The following PEX16 variants were observed in gnomAD, a reference collection of about 807,000 sequenced individuals.
PEX16 encodes the protein peroxin 16.
PEX16 carries 37 observed loss-of-function variants against 50.5 expected under a neutral mutation model. That is an observed-to-expected ratio of 0.73 (90% confidence interval 0.56 to 0.96). The LOEUF (loss-of-function observed/expected upper bound fraction) is 0.96, where lower values mean the gene tolerates loss of function less well. Among genes scored for constraint, PEX16 ranks in the 40% least tolerant of loss-of-function variants. PEX16 has a pLI of 0.00. For missense variants in PEX16, 401 were observed against 438.3 expected, an observed-to-expected ratio of 0.91 and a Z score of 0.76; for synonymous variants, 185 against 190.3, an observed-to-expected ratio of 0.97 and a Z score of 0.23.
At chr11:45,910,393 G>A (rs574997313) in intron 10 of PEX16, 81 bp from the exon 11 acceptor site, 31 of 1,193,732 alleles carry the variant, frequency 2.6e-5, no homozygotes, top group African/African-American at 4.5e-5. Flanking sequence ...TCACCCCTGC[G>A]GCCCAGGAGC....
At position 45,917,857 on chromosome 11, in the gene PEX16, C is replaced by T. The variant is rs1336660504; in HGVS notation, c.-46G>A. 7 of 1,327,740 alleles carry T rather than the reference C, an allele frequency of 5.3e-6. No individual in the cohort carries two copies. Among genetic ancestry groups the T allele is most frequent in the Non-Finnish European group, 7.3e-6 (7 of 957,638 alleles). The allele number at this position is 1,327,740 out of a possible 1,614,324, so 82.2% of individuals were successfully genotyped here. Reference sequence around the variant, plus strand: ...ACCCACAGAAGGACCGTACGACAGGCTGCGGCGCCCTGCTTCCTGCGCCCT... The same window carrying T: ...ACCCACAGAAGGACCGTACGACAGGTTGCGGCGCCCTGCTTCCTGCGCCCT... On this transcript the variant is annotated 5_prime_UTR_variant, in exon 1 of 11. Coordinates refer to ENST00000378750, the MANE Select transcript of PEX16 (RefSeq NM_004813.4).
rs909291081 is a variant in PEX16, at chr11:45,914,480, G to C, written c.542-12C>G. ...GTGCAGGGACGGCGCTAGAACACAA[G>C]GGCGGCAGATGAGCGAGCCAGGCCC... On this transcript the variant is annotated splice_polypyrimidine_tract_variant and intron_variant, in intron 6 of 10. Transcript: ENST00000378750. The C allele has an allele frequency of 3.1e-6, 5 of 1,608,272 alleles. No individual in the cohort carries two copies. Among genetic ancestry groups the C allele is most frequent in the Non-Finnish European group, 3.4e-6 (4 of 1,179,804 alleles).
chr11:45,914,232 C>T (rs2086808212), intron 7 of PEX16, 29 bp from the exon 8 acceptor site: 1 of 1,613,504 alleles, frequency 6.2e-7, no homozygotes, highest in African/African-American at 1.3e-5. Context: ...AGGATGTCTC[C>T]AGCACAGGGG....
intron 9 of PEX16, among the ~76,000 whole-genome samples, chr11:45,911,495 C>G (rs2086778025): frequency 6.6e-6 from 1 of 152,258 alleles, no homozygotes; most frequent in Non-Finnish European, 1.5e-5. Context: ...GGGTTTTCCA[C>G]AGGGGAACTC....
rs762568886 is a variant in PEX16, at chr11:45,913,880, G to A, written c.826C>T (p.Arg276Cys). 1.9e-6 allele frequency: 3 copies of A among 1,612,156 alleles called. No homozygotes were observed. The highest frequency in any genetic ancestry group is 1.1e-5 in the South Asian group (1 of 91,038). Residue 276 changes from arginine (R) to cysteine (C), a missense_variant, in exon 9 of 11, where the codon CGC becomes TGC. Transcript: ENST00000378750. ...TAGTAGAGCAGCAGGATGGTCCGGC[G>A]CCGCAGCTCCCGCCGCTCCCTCCGG... ...LTRRERRELR[R>C]RTILLLYYLL... is the part of the protein sequence containing the mutation.
chr11:45,914,940 C>G (rs1256468398), intron 5 of PEX16, among the ~76,000 whole-genome samples: 2 of 152,216 alleles, frequency 1.3e-5, no homozygotes, highest in Non-Finnish European at 2.9e-5. Context: ...CCTCCCGGAA[C>G]CCATGGACAG....
At chr11:45,912,563 G>A (rs757781837) in intron 9 of PEX16, among the ~76,000 whole-genome samples, 4 of 152,090 alleles carry the variant, frequency 2.6e-5, no homozygotes, top group Admixed American at 6.5e-5. Context: ...GAGTGCAGTC[G>A]CGCGATCTCG....
upstream of PEX16, chr11:45,918,578 T>G (rs1322002908): frequency 6.6e-6 from 1 of 152,228 alleles, no homozygotes; most frequent in African/African-American, 2.4e-5. Context: ...TGGCCCGGGC[T>G]TCTCTCGGCT....
At chr11:45,910,752 G>A (rs560893188) in intron 10 of PEX16, 146 bp downstream of exon 10, 1 of 855,308 alleles carries the variant, frequency 1.2e-6, no homozygotes, top group African/African-American at 1.6e-5. Flanking sequence ...CCTATGCCCA[G>A]GGGCAGTCCC....
intron 9 of PEX16, 101 bp from the exon 10 acceptor site, chr11:45,911,063 A>G: frequency 1.2e-6 from 1 of 809,620 alleles, no homozygotes; most frequent in Non-Finnish European, 2.1e-6. Context: ...TGCCGAATGC[A>G]GCGCATTCCA....
At chr11:45,915,410 A>G in intron 5 of PEX16, 58 bp downstream of exon 5, 3 of 1,333,868 alleles carry the variant, frequency 2.2e-6, no homozygotes, top group Non-Finnish European at 3.2e-6. Context: ...GGTTGGATCT[A>G]AATCCTCAAG....
rs1166661183 is a variant in PEX16 at position 45,910,233 on chromosome 11, A to T, written c.*21T>A. ...GGCTCCCTGCCCCACCCCTCCCCAC[A>T]CCCTCCTTCCGGGAGGTCTGTCAGC... is the stretch of plus-strand genomic sequence containing the variant. On this transcript the variant is annotated 3_prime_UTR_variant, in exon 11 of 11. Coordinates refer to ENST00000378750, the MANE Select transcript of PEX16 (RefSeq NM_004813.4). The T allele has an allele frequency of 6.2e-7, 1 of 1,612,804 alleles. No homozygotes were observed. The highest frequency in any genetic ancestry group is 2.2e-5 in the East Asian group (1 of 44,858).
chr11:45,918,245 C>A (rs1434204537), upstream of PEX16: 2 of 268,832 alleles, frequency 7.4e-6, no homozygotes, highest in Non-Finnish European at 1.5e-5. Context: ...CCGAGAGACT[C>A]GAACGGCAGG....
In PEX16 at chr11:45,910,046, G is replaced by A. The variant is rs778107872; in HGVS notation, c.*208C>T. ...AGTGAAGGCTTCTTGGCCCAGCAGT[G>A]ACAAGGTGCGGGCTGCAGTGGCATC... On this transcript the variant is annotated 3_prime_UTR_variant, in exon 11 of 11. Coordinates refer to ENST00000378750, the MANE Select transcript of PEX16 (RefSeq NM_004813.4). 1.7e-5 allele frequency: 26 copies of A among 1,547,822 alleles called. No homozygotes were observed. The highest frequency in any genetic ancestry group is 3.6e-6 in the Non-Finnish European group (4 of 1,123,948).
chr11:45,918,329 G>A (rs1374126472), upstream of PEX16: 6 of 221,708 alleles, frequency 2.7e-5, no homozygotes, highest in African/African-American at 1.1e-4. Flanking sequence ...GGAGGTGCGG[G>A]GCGTCTAAAT....
At position 45,917,580 on chromosome 11, in the gene PEX16, T is replaced by C. The variant is rs2086850790; in HGVS notation, c.113-87A>G. Reference sequence around the variant, plus strand: ...CCCGGAAATCCCCTCCCTACGCCCTTTGGGAACCTGGACGGGTCTTCTCAA... The same window carrying C: ...CCCGGAAATCCCCTCCCTACGCCCTCTGGGAACCTGGACGGGTCTTCTCAA... On this transcript the variant is annotated intron_variant, in intron 1 of 10. Transcript: ENST00000378750. 4 of 1,552,518 alleles carry C rather than the reference T, an allele frequency of 2.6e-6. No homozygotes were observed. In the South Asian group the frequency reaches 3.4e-5, roughly 13 times the overall value.
intron 9 of PEX16, 94 bp from the exon 10 acceptor site, chr11:45,911,056 C>G (rs1489464017): frequency 2.4e-6 from 2 of 845,916 alleles, no homozygotes; most frequent in South Asian, 1.3e-5. Flanking sequence ...ACCACCGTGC[C>G]GAATGCAGCG....
At chr11:45,914,555 C>A (rs1210027825) in intron 6 of PEX16, 49 bp downstream of exon 6, 1 of 1,612,088 alleles carries the variant, frequency 6.2e-7, no homozygotes, top group Non-Finnish European at 8.5e-7. Context: ...TCCCTCAAGC[C>A]CAGGCAGACA....
At chr11:45,914,897 G>A (rs1277615820) in intron 5 of PEX16, among the ~76,000 whole-genome samples, 1 of 152,200 alleles carries the variant, frequency 6.6e-6, no homozygotes, top group Non-Finnish European at 1.5e-5. Flanking sequence ...CCCTAGCCTG[G>A]GGAAAGCTCA....
Sources: allele counts gnomAD v4.1 joint callset (sites outside exome capture counted in the v4.1 genomes callset), GRCh38; gene constraint gnomAD v4.1.1; transcripts MANE v1.5; gene names NCBI Gene and HGNC (gene_info 2026-07-23, HGNC 2026-07-21).